The following TTC39C variants were observed in gnomAD, a reference collection of about 807,000 sequenced individuals.
The protein encoded by TTC39C is tetratricopeptide repeat domain 39C.
TTC39C carries 33 observed loss-of-function variants against 76.3 expected under a neutral mutation model. The ratio of observed to expected loss-of-function variants is 0.43; its 90% CI spans 0.33 to 0.58. The LOEUF (loss-of-function observed/expected upper bound fraction) is 0.58. Ranked by LOEUF, TTC39C falls within the 20% of genes least tolerant of loss-of-function variation. The probability of loss-of-function intolerance (pLI) is 0.04; values close to 1 mark genes in which losing one functional copy is unlikely to be tolerated. For synonymous variants in TTC39C, 254 were observed against 260.6 expected, an observed-to-expected ratio of 0.97 and a Z score of 0.24; for missense variants, 595 against 701.4, an observed-to-expected ratio of 0.85 and a Z score of 1.71.
intron 1 of TTC39C, among the ~76,000 whole-genome samples, chr18:24,053,713 C>A (rs1346771376): frequency 1.3e-5 from 2 of 152,182 alleles, no homozygotes; most frequent in Non-Finnish European, 2.9e-5. Flanking sequence ...GCCCAGGAAC[C>A]ACAAGTACAG....
At chr18:24,034,287 A>G (rs1363213614) in intron 1 of TTC39C, among the ~76,000 whole-genome samples, 3 of 152,220 alleles carry the variant, frequency 2.0e-5, no homozygotes, top group Non-Finnish European at 4.4e-5. Flanking sequence ...TACATCATAC[A>G]TTATCTTACA....
intron 1 of TTC39C, among the ~76,000 whole-genome samples, chr18:24,055,237 C>G (rs952170821): frequency 1.3e-5 from 2 of 152,070 alleles, no homozygotes; most frequent in Non-Finnish European, 2.9e-5. Context: ...TCCCTGCTTT[C>G]AATTCTTTTG....
chr18:24,009,052 G>A (rs773732843), intron 1 of TTC39C, among the ~76,000 whole-genome samples: 1 of 152,134 alleles, frequency 6.6e-6, no homozygotes, highest in African/African-American at 2.4e-5. Context: ...TCTGCTTGAG[G>A]GTAGAGGCTG....
At chr18:24,040,506 T>G (rs1404666308) in intron 1 of TTC39C, among the ~76,000 whole-genome samples, 2 of 152,328 alleles carry the variant, frequency 1.3e-5, no homozygotes, top group East Asian at 3.9e-4. Flanking sequence ...CATGTCATGT[T>G]TTTCCTCACC....
At chr18:24,114,670 G>C (rs1214532515) in intron 7 of TTC39C, 23 bp downstream of exon 7, 1 of 1,565,590 alleles carries the variant, frequency 6.4e-7, no homozygotes, top group East Asian at 2.2e-5. Context: ...TGTCTGTCCA[G>C]CCTCTTGTTA....
intron 1 of TTC39C, 86 bp downstream of exon 1, chr18:24,015,124 C>T (rs1034330148): frequency 7.5e-5 from 93 of 1,238,368 alleles, no homozygotes; most frequent in Non-Finnish European, 9.2e-5. Context: ...CCCCGGGAGC[C>T]CCCTCCCCCT....
At chr18:24,026,972 T>C (rs2083606477) in intron 1 of TTC39C, among the ~76,000 whole-genome samples, 1 of 152,160 alleles carries the variant, frequency 6.6e-6, no homozygotes, top group African/African-American at 2.4e-5. Context: ...CAAATTCAAG[T>C]TGAATTTGCT....
intron 8 of TTC39C, among the ~76,000 whole-genome samples, chr18:24,123,384 T>TG (rs2085000268): frequency 3.9e-5 from 3 of 76,646 alleles, no homozygotes; most frequent in East Asian, 3.4e-4. Flanking sequence ...AACAGTCTTT[T>TG]TTTTGTTTGT....
chr18:24,099,549 T>C (rs2084651335), intron 6 of TTC39C, among the ~76,000 whole-genome samples: 2 of 151,912 alleles, frequency 1.3e-5, no homozygotes, highest in South Asian at 4.1e-4. Flanking sequence ...TTAATATATA[T>C]ATGTATGTAT....
At chr18:23,996,706 A>G (rs970473217) in intron 1 of TTC39C, among the ~76,000 whole-genome samples, 5 of 152,202 alleles carry the variant, frequency 3.3e-5, no homozygotes, top group Non-Finnish European at 7.3e-5. Context: ...AGAAATCTAT[A>G]TACATAGCCC....
intron 1 of TTC39C, chr18:24,015,287 C>T (rs1032527830): frequency 7.9e-6 from 3 of 378,310 alleles, no homozygotes; most frequent in Non-Finnish European, 1.4e-5. Context: ...CCCGCGCGCC[C>T]GCAGTCCCCC....
At chr18:24,008,376 G>A (rs1373252773) in intron 1 of TTC39C, among the ~76,000 whole-genome samples, 2 of 152,170 alleles carry the variant, frequency 1.3e-5, no homozygotes, top group East Asian at 3.8e-4. Flanking sequence ...CTGCAGTCAG[G>A]GGAGAAGCCT....
chr18:24,058,747 C>T (rs924212485), intron 1 of TTC39C, among the ~76,000 whole-genome samples: 5 of 152,084 alleles, frequency 3.3e-5, no homozygotes, highest in Non-Finnish European at 4.4e-5. Context: ...CACTGATAAA[C>T]GAAGTAGGAG....
intron 1 of TTC39C, among the ~76,000 whole-genome samples, chr18:24,033,457 T>A (rs1214290588): frequency 6.6e-6 from 1 of 152,178 alleles, no homozygotes; most frequent in East Asian, 1.9e-4. Context: ...CAATTTCTAC[T>A]TATCCTTCAA....
intron 6 of TTC39C, among the ~76,000 whole-genome samples, chr18:24,092,413 T>C (rs905784778): frequency 1.3e-5 from 2 of 152,074 alleles, no homozygotes; most frequent in African/African-American, 4.8e-5. Flanking sequence ...CCTAGGAATA[T>C]GCACAAGAGA....
chr18:24,086,849 T>A (rs2084445751), intron 6 of TTC39C, among the ~76,000 whole-genome samples: 2 of 152,110 alleles, frequency 1.3e-5, no homozygotes, highest in African/African-American at 2.4e-5. Context: ...TAAGTAAGGG[T>A]GTGATGGTGT....
intron 1 of TTC39C, among the ~76,000 whole-genome samples, chr18:24,059,874 G>A (rs1025278213): frequency 9.9e-5 from 15 of 152,158 alleles, no homozygotes; most frequent in Non-Finnish European, 1.6e-4. Context: ...TCACAATCAC[G>A]GCAGAAGGCA....
At chr18:24,131,208 CAAA>C (rs35276530) in intron 12 of TTC39C, among the ~76,000 whole-genome samples, 1 of 119,514 alleles carries the variant, frequency 8.4e-6, no homozygotes, top group Non-Finnish European at 1.6e-5. Flanking sequence ...GACCCTGTCT[CAAA>C]AAAAAAAAAA....
rs569237798 is a variant in TTC39C at position 23,995,710 on chromosome 18, A to G, written c.-17+2672A>G. On this transcript the variant is annotated intron_variant, in intron 1 of 13. Transcript: ENST00000304621. The stretch of plus-strand genomic sequence containing the variant: ...TAGCAAAACCCCATCTCTGCCGGAA[A>G]AAAAAAAAAGTTAGCCGGGCATGGT... 5.3e-5 allele frequency among the ~76,000 whole-genome samples: 8 copies of G among 152,146 alleles called. No homozygotes were observed. In the East Asian group the frequency reaches 1.5e-3, roughly 29 times the overall value.
Sources: gnomAD v4.1 joint callset for allele counts (sites outside exome capture counted in the v4.1 genomes callset) on GRCh38, gnomAD v4.1.1 for gene constraint, MANE v1.5 for transcripts, NCBI Gene and HGNC (gene_info 2026-07-23, HGNC 2026-07-21) for gene names.